The following MCF2L2 variants were observed in gnomAD, a reference collection of about 807,000 sequenced individuals.
MCF2L2 encodes MCF.2 cell line derived transforming sequence-like 2.
A neutral mutation model predicts 150.2 loss-of-function variants in MCF2L2; 102 were observed. That is an observed-to-expected ratio of 0.68 (90% CI 0.58 to 0.80). The LOEUF is 0.80. Among genes scored for constraint, MCF2L2 ranks in the 30% least tolerant of loss-of-function variants. The probability of loss-of-function intolerance (pLI) is 0.00; values close to 1 mark genes in which losing one functional copy is unlikely to be tolerated. For missense variants in MCF2L2, 1,256 were observed against 1,372.8 expected (o/e 0.91, Z 1.34); for synonymous variants, 465 against 491.3 (o/e 0.95, Z 0.71).
intron 15 of MCF2L2, among the ~76,000 whole-genome samples, chr3:183,249,793 AC>A (rs1724432523): frequency 6.6e-6 from 1 of 152,238 alleles, no homozygotes; most frequent in African/African-American, 2.4e-5. Flanking sequence ...CCACTGTACT[AC>A]GGATGGGATT....
At chr3:183,389,554 G>A (rs768881462) in intron 2 of MCF2L2, 142 bp downstream of exon 2, 162 of 667,580 alleles carry the variant, frequency 2.4e-4, no homozygotes, top group Middle Eastern at 7.4e-4. Flanking sequence ...GGCAGGATAG[G>A]CCTCAGCCTG....
chr3:183,415,540 A>G (rs1192527993), intron 1 of MCF2L2, among the ~76,000 whole-genome samples: 1 of 151,976 alleles, frequency 6.6e-6, no homozygotes, highest in Non-Finnish European at 1.5e-5. Flanking sequence ...TGCTTCATGT[A>G]TTTTGGAGCT....
chr3:183,250,833 T>C (rs1347290344), intron 15 of MCF2L2, among the ~76,000 whole-genome samples: 1 of 152,310 alleles, frequency 6.6e-6, no homozygotes, highest in South Asian at 2.1e-4. Context: ...TACAGCACGA[T>C]GACAGGACAC....
chr3:183,313,925 G>A (rs6443863), intron 7 of MCF2L2, among the ~76,000 whole-genome samples: 33,401 of 152,130 alleles, frequency 0.22, 3,813 homozygotes, highest in East Asian at 0.36. Flanking sequence ...CAGACGAGGT[G>A]GAGGTGCCGT....
chr3:183,228,511 T>C lies in MCF2L2; in HGVS notation c.2046-145A>G, dbSNP rs565049277. 31 of 554,308 alleles carry C rather than the reference T, an allele frequency of 5.6e-5. No individual in the cohort carries two copies. In the African/African-American group the frequency reaches 5.7e-4, roughly 10 times the overall value. The allele number at this position is 554,308 out of a possible 1,614,324, so 34.3% of individuals were successfully genotyped here. On this transcript the variant is annotated intron_variant, in intron 17 of 29. Transcript: ENST00000328913. The stretch of plus-strand genomic sequence containing the variant: ...CTTGCTCTTATCTTCTACACATTGA[T>C]TCAGAAAAAAAAGCTGTATTCTGAG...
Position 183,224,143 on chromosome 3 carries a change from T to A in MCF2L2, c.2163A>T (p.Arg721=). The change falls in exon 19 of 30, where the codon CGA becomes CGT. Residue 721 remains arginine, a synonymous_variant. Coordinates refer to ENST00000328913, the MANE Select transcript of MCF2L2 (RefSeq NM_015078.4). The part of the protein sequence containing the change: ...IYFKYHKNLP[R]ARAIWQECQD... Reference sequence around the variant, plus strand: ...GACACTCTTGCCAGATTGCCCTAGCTCGGGGCAGATTCTTATGGTATTTAA... The same window carrying A: ...GACACTCTTGCCAGATTGCCCTAGCACGGGGCAGATTCTTATGGTATTTAA... The A allele has an allele frequency of 6.2e-7, 1 of 1,614,090 alleles. No individual in the cohort carries two copies. The highest frequency in any genetic ancestry group is 1.1e-5 in the South Asian group (1 of 91,072).
intron 18 of MCF2L2, chr3:183,224,790 T>C (rs980101682): frequency 3.9e-5 from 6 of 152,418 alleles, no homozygotes; most frequent in African/African-American, 1.2e-4. Flanking sequence ...AGCACAAGAC[T>C]CTGAGACAGG....
chr3:183,326,513 A>AAAAT (rs1236419183), intron 5 of MCF2L2, among the ~76,000 whole-genome samples: 12 of 136,156 alleles, frequency 8.8e-5, no homozygotes, highest in African/African-American at 2.9e-4. Context: ...AAAAAAAAAA[A>AAAAT]AAACAAAAAA....
At position 183,193,006 on chromosome 3, in the gene MCF2L2, C is replaced by A. The variant is rs776089897; in HGVS notation, c.3009G>T (p.Gly1003=). The stretch of plus-strand genomic sequence containing the variant: ...CCATGGGACCCTCCCTACCTTTAAT[C>A]CCTCCTGTGCTGGAGGCCGGGTCTT... The part of the protein sequence containing the change: ...SKEDPASSTG[G]IKGCSSREFS... Residue 1003 remains glycine (G), a synonymous_variant, in exon 27 of 30, where the codon GGG becomes GGT. Coordinates refer to ENST00000328913, the MANE Select transcript of MCF2L2 (RefSeq NM_015078.4). 1.1e-5 allele frequency: 18 copies of A among 1,613,458 alleles called. No homozygotes were observed. The African/African-American group carries it at 1.5e-4, about 13-fold the overall frequency.
In MCF2L2 at chr3:183,270,488, T is replaced by TA; in HGVS notation, c.1862+6383dup. On this transcript the variant is annotated intron_variant, in intron 15 of 29. Transcript: ENST00000328913. The surrounding 1 kb of genome is among the most constrained non-coding windows in gnomAD (Gnocchi z 4.5). ...GTGTTCATCGTGGTGCCCCTCCCAT[T>TA]AGAGATAAAAGCAGCAAATACTACG... 1.2e-6 allele frequency: 2 copies of TA among 1,614,116 alleles called. No individual in the cohort carries two copies. Among genetic ancestry groups the TA allele is most frequent in the Non-Finnish European group, 1.7e-6 (2 of 1,180,016 alleles).
At position 183,415,483 on chromosome 3, in the gene MCF2L2, G is replaced by A. The variant is rs184336439; in HGVS notation, c.76+12419C>T. 1.2e-4 allele frequency among the ~76,000 whole-genome samples: 18 copies of A among 152,206 alleles called. 1 individual carries two copies. The highest frequency in any genetic ancestry group is 4.1e-4 in the South Asian group (2 of 4,820). On this transcript the variant is annotated intron_variant, in intron 1 of 29. Transcript: ENST00000328913. ...ATTACAGGCGTCAGCCACCGCACCC[G>A]GCCAATAGTTGAATTTTCTATGTCT...
chr3:183,206,908 A>G (rs1304272019), intron 23 of MCF2L2, among the ~76,000 whole-genome samples: 1 of 143,324 alleles, frequency 7.0e-6, no homozygotes, highest in Non-Finnish European at 1.5e-5. Flanking sequence ...AAAGACAGAA[A>G]GAAAGAAAGG....
intron 1 of MCF2L2, among the ~76,000 whole-genome samples, chr3:183,394,225 A>G (rs1364819789): frequency 6.6e-6 from 1 of 152,218 alleles, no homozygotes; most frequent in Non-Finnish European, 1.5e-5. Context: ...CAAGCCATGA[A>G]CCAGGATCTC....
At chr3:183,287,678 A>G (rs1457728108) in intron 14 of MCF2L2, 2 of 152,202 alleles carry the variant, frequency 1.3e-5, no homozygotes, top group South Asian at 2.1e-4. Context: ...AATTCCTCCA[A>G]CCAGGAGGGA....
intron 18 of MCF2L2, chr3:183,225,118 G>C (rs981338042): frequency 8.5e-5 from 13 of 152,478 alleles, no homozygotes; most frequent in African/African-American, 2.9e-4. Context: ...TGTCAACACA[G>C]ATGATTCCTT....
chr3:183,255,792 CAA>C (rs1466686688), intron 15 of MCF2L2, among the ~76,000 whole-genome samples: 5 of 147,240 alleles, frequency 3.4e-5, no homozygotes, highest in Non-Finnish European at 7.4e-5. Flanking sequence ...AAAAGACATT[CAA>C]ATGGTGAGAT....
chr3:183,241,889 G>C (rs1408735002), intron 15 of MCF2L2, among the ~76,000 whole-genome samples: 1 of 152,152 alleles, frequency 6.6e-6, no homozygotes, highest in South Asian at 2.1e-4. Flanking sequence ...TAGTGATATG[G>C]GCAATAAAGT....
chr3:183,376,409 T>C (rs1713190552), intron 3 of MCF2L2: 1 of 152,236 alleles, frequency 6.6e-6, no homozygotes, highest in Admixed American at 6.5e-5. Context: ...ACTCCTCCTA[T>C]TGTCTACATC....
intron 14 of MCF2L2, among the ~76,000 whole-genome samples, chr3:183,281,986 C>G (rs1204004909): frequency 6.7e-6 from 1 of 149,468 alleles, no homozygotes; most frequent in African/African-American, 2.5e-5. Flanking sequence ...CTTGCAGCCT[C>G]GAACTCCTGA....
Sources: gnomAD v4.1 joint callset for allele counts (sites outside exome capture counted in the v4.1 genomes callset) on GRCh38, gnomAD v4.1.1 for gene constraint, Gnocchi (gnomAD v3.1) non-coding constraint, MANE v1.5 for transcripts, NCBI Gene and HGNC (gene_info 2026-07-23, HGNC 2026-07-21) for gene names.